LINGO2: variants seen among roughly 807,000 people sequenced by gnomAD.
The protein encoded by LINGO2 is leucine rich repeat and Ig domain containing 2.
In LINGO2, 14 loss-of-function variants were observed where a neutral mutation model predicts 30.6. The observed-to-expected ratio is 0.46, with a 90% CI of 0.30 to 0.72. LINGO2 has a LOEUF of 0.72. Ranked by LOEUF, LINGO2 falls within the 30% of genes least tolerant of loss-of-function variation. The probability of loss-of-function intolerance (pLI) is 0.07; values close to 1 mark genes in which losing one functional copy is unlikely to be tolerated. For synonymous variants in LINGO2, 317 were observed against 288.5 expected, an observed-to-expected ratio of 1.10 and a Z score of -1.00; for missense variants, 729 against 751.7, an observed-to-expected ratio of 0.97 and a Z score of 0.35.
intron 1 of LINGO2, among the ~76,000 whole-genome samples, chr9:28,632,720 C>G (rs1395297724): frequency 8.0e-6 from 1 of 125,618 alleles, no homozygotes; most frequent in African/African-American, 3.1e-5. Flanking sequence ...ATATATAGAT[C>G]TATATATAGA....
chr9:27,989,231 C>T (rs553744336), intron 5 of LINGO2, among the ~76,000 whole-genome samples: 2 of 151,904 alleles, frequency 1.3e-5, no homozygotes, highest in African/African-American at 4.8e-5. Flanking sequence ...GCTCATCATC[C>T]TCTGCTAGTC....
the LINGO2 span, among the ~76,000 whole-genome samples, chr9:28,684,175 C>CTTTTTT: frequency 4.9e-3 from 223 of 45,446 alleles, 29 homozygotes; most frequent in East Asian, 7.7e-3. Flanking sequence ...AAATGTTTAT[C>CTTTTTT]TTTTTTTTTT....
chr9:28,037,799 G>A (rs1222169842), intron 4 of LINGO2, among the ~76,000 whole-genome samples: 3 of 152,194 alleles, frequency 2.0e-5, no homozygotes, highest in Non-Finnish European at 2.9e-5. Flanking sequence ...AAATTTTCAT[G>A]CAGTATCTGT....
In LINGO2 at chr9:28,243,438, C is replaced by T. The variant is rs375916447; in HGVS notation, c.-87+51770G>A. Among the ~76,000 whole-genome samples the T allele has an allele frequency of 3.8e-4, 52 of 136,180 alleles. No homozygotes were observed. The East Asian group carries it at 8.4e-3, about 22-fold the overall frequency. 89.3% of individuals were successfully genotyped at this position (136,180 alleles called of 152,430 possible). On this transcript the variant is annotated intron_variant, in intron 4 of 5. Transcript: ENST00000379992. ...TCGTGCTACTGCCTTCCAGCCTGTG[C>T]GACGGAGAAAGACTCTCTCAAAAAA...
chr9:28,510,931 T>A (rs141861747), intron 1 of LINGO2, among the ~76,000 whole-genome samples: 1 of 152,134 alleles, frequency 6.6e-6, no homozygotes, highest in East Asian at 1.9e-4. Context: ...GCAGGAAGCA[T>A]CGAGTGCGGG....
chr9:28,438,007 G>A (rs1824021994), intron 2 of LINGO2, among the ~76,000 whole-genome samples: 1 of 152,116 alleles, frequency 6.6e-6, no homozygotes, highest in Non-Finnish European at 1.5e-5. Flanking sequence ...AGAATATGGG[G>A]GAAGTTGTAA....
At chr9:29,141,681 A>T in the LINGO2 span, among the ~76,000 whole-genome samples, 3 of 151,900 alleles carry the variant, frequency 2.0e-5, no homozygotes, top group Non-Finnish European at 4.4e-5. Flanking sequence ...AAGGACACAC[A>T]TAGGCTAAAA....
intron 5 of LINGO2, among the ~76,000 whole-genome samples, chr9:27,987,033 CTT>C (rs1245060595): frequency 2.7e-5 from 4 of 150,778 alleles, no homozygotes; most frequent in African/African-American, 9.8e-5. Context: ...TTATGGTCGA[CTT>C]TTTTTTGTGT....
At chr9:28,487,332 A>T (rs1826210909) in intron 1 of LINGO2, among the ~76,000 whole-genome samples, 1 of 152,154 alleles carries the variant, frequency 6.6e-6, no homozygotes. Flanking sequence ...TTCAATTTTG[A>T]CTCACCAGGT....
chr9:27,969,876 T>A (rs1003655926), intron 5 of LINGO2, among the ~76,000 whole-genome samples: 2 of 152,064 alleles, frequency 1.3e-5, no homozygotes, highest in Non-Finnish European at 2.9e-5. Context: ...GTCATTGACC[T>A]GGCTGAGGTC....
At chr9:28,514,932 A>AT (rs1197644636) in intron 1 of LINGO2, among the ~76,000 whole-genome samples, 3 of 73,074 alleles carry the variant, frequency 4.1e-5, no homozygotes, top group Non-Finnish European at 6.4e-5. Flanking sequence ...CCTATGCTCT[A>AT]TTTAAAAAAA....
At chr9:28,414,670 G>A (rs777071593) in intron 2 of LINGO2, among the ~76,000 whole-genome samples, 13 of 152,070 alleles carry the variant, frequency 8.5e-5, no homozygotes, top group Non-Finnish European at 1.6e-4. Context: ...GGGGGTGGGA[G>A]ACACTTTTGA....
chr9:28,079,952 A>G (rs1825727900), intron 4 of LINGO2, among the ~76,000 whole-genome samples: 1 of 152,206 alleles, frequency 6.6e-6, no homozygotes, highest in African/African-American at 2.4e-5. Flanking sequence ...CGAAGTAAAA[A>G]ATGCAGGTAT....
intron 5 of LINGO2, among the ~76,000 whole-genome samples, chr9:27,973,759 G>A (rs1392268048): frequency 4.6e-5 from 7 of 151,978 alleles, no homozygotes; most frequent in South Asian, 2.1e-4. Flanking sequence ...TTGCCATTGC[G>A]AGAAAAAAAT....
intron 1 of LINGO2, among the ~76,000 whole-genome samples, chr9:28,642,613 A>G (rs1827645591): frequency 6.6e-6 from 1 of 152,138 alleles, no homozygotes; most frequent in African/African-American, 2.4e-5. Flanking sequence ...ATAGTGAAAA[A>G]TCTACTACCT....
intron 3 of LINGO2, among the ~76,000 whole-genome samples, chr9:28,351,731 C>A (rs1336180491): frequency 3.3e-5 from 5 of 152,078 alleles, no homozygotes; most frequent in Non-Finnish European, 5.9e-5. Context: ...CCTTGATGAA[C>A]ATTGGTGCAA....
chr9:28,085,357 G>A (rs1167020460), intron 4 of LINGO2, among the ~76,000 whole-genome samples: 1 of 152,098 alleles, frequency 6.6e-6, no homozygotes, highest in Non-Finnish European at 1.5e-5. Flanking sequence ...AAACCTTTGT[G>A]ATATAGAAGT....
chr9:28,356,804 C>T (rs193247051), intron 3 of LINGO2, among the ~76,000 whole-genome samples: 1 of 152,086 alleles, frequency 6.6e-6, no homozygotes, highest in African/African-American at 2.4e-5. Context: ...AGAAATCTTG[C>T]CTCCCAGAAG....
intron 4 of LINGO2, among the ~76,000 whole-genome samples, chr9:28,038,998 C>T (rs1824076311): frequency 6.6e-6 from 1 of 151,140 alleles, no homozygotes; most frequent in Non-Finnish European, 1.5e-5. Context: ...GATTGTGTAG[C>T]ACGAAATCTT....
Sources: gnomAD v4.1 joint callset for allele counts (sites outside exome capture counted in the v4.1 genomes callset) on GRCh38, gnomAD v4.1.1 for gene constraint, MANE v1.5 for transcripts, NCBI Gene and HGNC (gene_info 2026-07-23, HGNC 2026-07-21) for gene names.